The following STAG1 variants were observed in gnomAD, a reference collection of about 807,000 sequenced individuals.
The protein encoded by STAG1 is STAG1 cohesin complex component.
Under a neutral mutation model 170.9 loss-of-function variants are expected in STAG1, and 26 were observed. The observed-to-expected ratio is 0.15, with a 90% confidence interval of 0.11 to 0.21. The LOEUF is 0.21. STAG1 is among the 10% of genes least tolerant of loss of function. The pLI is 1.00. For synonymous variants in STAG1, 514 were observed against 497.7 expected, an observed-to-expected ratio of 1.03 and a Z score of -0.44; for missense variants, 964 against 1,509.5, an observed-to-expected ratio of 0.64 and a Z score of 5.99.
chr3:136,412,728 A>G (rs1036214719), intron 21 of STAG1, among the ~76,000 whole-genome samples: 5 of 152,232 alleles, frequency 3.3e-5, no homozygotes, highest in African/African-American at 1.2e-4. Flanking sequence ...AAATGTCATG[A>G]AACAAAAAGG....
intron 15 of STAG1, among the ~76,000 whole-genome samples, chr3:136,438,959 G>A (rs921539076): frequency 1.3e-5 from 2 of 151,866 alleles, no homozygotes; most frequent in African/African-American, 4.8e-5. Context: ...CACTTTGGGA[G>A]GCCAAGGCAG....
intron 21 of STAG1, among the ~76,000 whole-genome samples, chr3:136,412,683 G>A (rs1559785582): frequency 6.6e-6 from 1 of 152,026 alleles, no homozygotes; most frequent in Non-Finnish European, 1.5e-5. Context: ...ACTCAAGTAA[G>A]AACATTCTGT....
At chr3:136,605,898 C>G (rs1235047638) in intron 3 of STAG1, among the ~76,000 whole-genome samples, 1 of 152,196 alleles carries the variant, frequency 6.6e-6, no homozygotes, top group East Asian at 1.9e-4. Context: ...TACCTGCTCC[C>G]TGCATTTGCT....
intron 3 of STAG1, among the ~76,000 whole-genome samples, chr3:136,605,603 G>A (rs1027689743): frequency 6.6e-6 from 1 of 152,052 alleles, no homozygotes; most frequent in South Asian, 2.1e-4. Context: ...TCTCCCCTAA[G>A]TATCTTTTCT....
intron 29 of STAG1, among the ~76,000 whole-genome samples, chr3:136,345,466 T>TG (rs1936183502): frequency 4.0e-5 from 4 of 98,834 alleles, no homozygotes; most frequent in Admixed American, 3.2e-4. Context: ...TTTTTTTTTT[T>TG]TTTTTTTTTT....
chr3:136,353,601 A>C (rs1216942113), intron 28 of STAG1, among the ~76,000 whole-genome samples: 1 of 152,336 alleles, frequency 6.6e-6, no homozygotes, highest in Non-Finnish European at 1.5e-5. Context: ...TCAAACGAGA[A>C]TCTTACATCG....
At chr3:136,705,375 TCAAACACA>T (rs1943199185) in intron 1 of STAG1, among the ~76,000 whole-genome samples, 1 of 102,630 alleles carries the variant, frequency 9.7e-6, no homozygotes, top group Non-Finnish European at 1.8e-5. Flanking sequence ...CACATGATCA[TCAAACACA>T]CACACACACA....
At chr3:136,380,507 T>C (rs1295449772) in intron 22 of STAG1, among the ~76,000 whole-genome samples, 2 of 152,050 alleles carry the variant, frequency 1.3e-5, no homozygotes, top group Non-Finnish European at 2.9e-5. Flanking sequence ...CACTAAGTGC[T>C]AGGATTACAG....
At chr3:136,389,501 G>C (rs1180782423) in intron 22 of STAG1, among the ~76,000 whole-genome samples, 1 of 151,836 alleles carries the variant, frequency 6.6e-6, no homozygotes, top group Non-Finnish European at 1.5e-5. Context: ...CACCATATTG[G>C]TCAGGCTGGA....
intron 3 of STAG1, among the ~76,000 whole-genome samples, chr3:136,613,370 A>G (rs1194792438): frequency 6.7e-6 from 1 of 150,168 alleles, no homozygotes; most frequent in Non-Finnish European, 1.5e-5. Flanking sequence ...CATACCTCCC[A>G]GGAAACTGAT....
chr3:136,709,950 G>A (rs983987733), intron 1 of STAG1, among the ~76,000 whole-genome samples: 6 of 151,160 alleles, frequency 4.0e-5, no homozygotes, highest in African/African-American at 7.3e-5. Flanking sequence ...CATGAGAATC[G>A]CTTGAACCCA....
intron 9 of STAG1, among the ~76,000 whole-genome samples, chr3:136,498,462 C>T (rs1414182246): frequency 1.3e-5 from 2 of 149,804 alleles, no homozygotes; most frequent in Non-Finnish European, 3.0e-5. Flanking sequence ...ATAATCAGCA[C>T]ATCAATGCTT....
At chr3:136,384,461 GA>G (rs1261653731) in intron 22 of STAG1, among the ~76,000 whole-genome samples, 1,922 of 103,478 alleles carry the variant, frequency 0.019, 26 homozygotes, top group African/African-American at 0.049. Context: ...AAAAGAAGAA[GA>G]AAAAAAAAAA....
intron 3 of STAG1, among the ~76,000 whole-genome samples, chr3:136,611,099 T>G (rs1359307363): frequency 6.6e-6 from 1 of 152,192 alleles, no homozygotes; most frequent in Non-Finnish European, 1.5e-5. Flanking sequence ...AACATGAAAC[T>G]CGTTTATGTT....
intron 13 of STAG1, among the ~76,000 whole-genome samples, chr3:136,463,166 A>C (rs1169919849): frequency 6.6e-6 from 1 of 152,234 alleles, no homozygotes; most frequent in Non-Finnish European, 1.5e-5. Context: ...ATGCAATATT[A>C]TTTTAAGTCA....
intron 7 of STAG1, chr3:136,518,070 A>C: frequency 3.9e-6 from 1 of 257,306 alleles, no homozygotes. Flanking sequence ...TTTAATAAAA[A>C]TGTAAAAGTA....
chr3:136,443,703 T>A, intron 14 of STAG1, among the ~76,000 whole-genome samples: 1 of 152,236 alleles, frequency 6.6e-6, no homozygotes, highest in East Asian at 1.9e-4. Flanking sequence ...AGTTATATGC[T>A]GGATCTAGGT....
chr3:136,472,326 G>A, intron 12 of STAG1, 87 bp downstream of exon 12: 2 of 759,192 alleles, frequency 2.6e-6, no homozygotes, highest in Non-Finnish European at 4.2e-6. Context: ...ATATACATAA[G>A]GACTATATAT....
intron 12 of STAG1, among the ~76,000 whole-genome samples, chr3:136,471,363 G>A (rs2089623388): frequency 6.6e-6 from 1 of 151,924 alleles, no homozygotes; most frequent in Non-Finnish European, 1.5e-5. Flanking sequence ...AGTTTTTGAG[G>A]CACTTGACAA....
Sources: allele counts gnomAD v4.1 joint callset (sites outside exome capture counted in the v4.1 genomes callset), GRCh38; gene constraint gnomAD v4.1.1; transcripts MANE v1.5; gene names NCBI Gene and HGNC (gene_info 2026-07-23, HGNC 2026-07-21).